CPNE7: variants seen among roughly 807,000 people sequenced by gnomAD.
The protein encoded by CPNE7 is copine-7.
Under a neutral mutation model 66.5 loss-of-function variants are expected in CPNE7, and 78 were observed. The observed-to-expected ratio is 1.17, with a 90% confidence interval of 0.98 to 1.42. The LOEUF is 1.42. Among genes scored for constraint, CPNE7 ranks in the 40% most tolerant of loss-of-function variants. The pLI, the probability that CPNE7 is intolerant of heterozygous loss-of-function variation, is 0.00. For missense variants in CPNE7, 1,012 were observed against 776.6 expected (o/e 1.30, Z -3.60); for synonymous variants, 468 against 336.7 (o/e 1.39, Z -4.27).
At chr16:89,594,833 G>C (rs924980055) in intron 13 of CPNE7, among the ~76,000 whole-genome samples, 1 of 151,768 alleles carries the variant, frequency 6.6e-6, no homozygotes, top group African/African-American at 2.4e-5. Flanking sequence ...TGTATTTTTA[G>C]TAGAGATGGG....
chr16:89,585,424 G>A (rs754465341), intron 5 of CPNE7, 40 bp from the exon 6 acceptor site: 2 of 1,448,784 alleles, frequency 1.4e-6, no homozygotes, highest in South Asian at 1.2e-5. Context: ...GGATCCCAGG[G>A]CCCTGGGCCT....
intron 2 of CPNE7, among the ~76,000 whole-genome samples, chr16:89,579,212 A>T (rs925081797): frequency 6.6e-6 from 1 of 152,002 alleles, no homozygotes; most frequent in African/African-American, 2.4e-5. Context: ...GAATCACTTG[A>T]ACCTGGGAGG....
Position 89,577,614 on chromosome 16 carries a change from G to T in CPNE7, c.250G>T (p.Glu84Ter). Residue 84 changes from glutamate to a stop codon, truncating the protein, a stop_gained, in exon 2 of 15, where the codon GAG (glutamate) becomes TAG (stop). Transcript: ENST00000319518. LOFTEE classifies it high-confidence loss of function. ...GGTCTTCACGGTGGACTACTACTTC[G>T]AGGAGGTGCAGAGGCTGCGCTTTGA... Reference protein sequence around the residue: ...SKVFTVDYYFEEVQRLRFEVY... With the variant: ...SKVFTVDYYF The T allele has an allele frequency of 6.4e-7, 1 of 1,566,812 alleles. No homozygotes were observed. Among genetic ancestry groups the T allele is most frequent in the Non-Finnish European group, 8.7e-7 (1 of 1,155,238 alleles).
rs759360639 is a variant in CPNE7, at chr16:89,577,686, G to C, written c.322G>C (p.Asp108His). ...GPSGFSCQED[D>H]FLGGMECTLG... is the part of the protein sequence containing the mutation. Reference sequence around the variant, plus strand: ...CAGCGGCTTCAGCTGTCAGGAGGACGATTTCCTGGGGGGCATGGAGTGCAC... The same window carrying C: ...CAGCGGCTTCAGCTGTCAGGAGGACCATTTCCTGGGGGGCATGGAGTGCAC... Residue 108 changes from aspartate (D) to histidine (H), a missense_variant, in exon 2 of 15, where the codon GAT becomes CAT. Asp to His is a moderately conservative substitution (Grantham distance 81). Transcript: ENST00000319518. 1 of 1,600,868 alleles carries C rather than the reference G, an allele frequency of 6.2e-7. No homozygotes were observed. The highest frequency in any genetic ancestry group is 1.7e-5 in the Admixed American group (1 of 58,066).
At chr16:89,586,215 G>A (rs1402846287) in intron 7 of CPNE7, among the ~76,000 whole-genome samples, 1 of 152,130 alleles carries the variant, frequency 6.6e-6, no homozygotes, top group African/African-American at 2.4e-5. Context: ...GAAGGCTGAG[G>A]ATGGTGGACC....
chr16:89,585,604 G>A, intron 6 of CPNE7, 51 bp downstream of exon 6: 1 of 1,571,522 alleles, frequency 6.4e-7, no homozygotes, highest in Non-Finnish European at 8.7e-7. Context: ...CCTGGATGTG[G>A]GCTGCGATGG....
rs776221388 is a variant in CPNE7 at position 89,588,720 on chromosome 16, T to C, written c.973T>C (p.Cys325Arg). 1.2e-6 allele frequency: 2 copies of C among 1,613,562 alleles called. No homozygotes were observed. The highest frequency in any genetic ancestry group is 1.3e-5 in the African/African-American group (1 of 75,044). Residue 325 changes from cysteine to arginine, a missense_variant, in exon 10 of 15, where the codon TGC becomes CGC. Coordinates refer to ENST00000319518, the MANE Select transcript of CPNE7 (RefSeq NM_153636.3). Reference protein sequence around the residue: ...TASNGDPRNSCSLHYINPYQP... With the variant: ...TASNGDPRNSRSLHYINPYQP... ...CTCCAATGGAGACCCGCGGAACAGC[T>C]GCTCCCTGCACTACATCAACCCCTA...
At chr16:89,576,203 C>T (rs1305233606) in intron 1 of CPNE7, 132 bp downstream of exon 1, 3 of 702,284 alleles carry the variant, frequency 4.3e-6, no homozygotes, top group African/African-American at 1.9e-5. Flanking sequence ...TGGGGCTCAG[C>T]TCGGGGTCAG....
chr16:89,583,979 G>C, intron 3 of CPNE7, 49 bp from the exon 4 acceptor site: 1 of 1,602,884 alleles, frequency 6.2e-7, no homozygotes. Flanking sequence ...CCCACGGTGG[G>C]GTCAGGCCCC....
At chr16:89,596,383 C>G in intron 14 of CPNE7, 101 bp from the exon 15 acceptor site, 1 of 1,472,616 alleles carries the variant, frequency 6.8e-7, no homozygotes, top group Non-Finnish European at 9.0e-7. Context: ...GTAGTCACCA[C>G]TCGGCTCTGG....
At chr16:89,592,072 A>G (rs1482883162) in intron 13 of CPNE7, among the ~76,000 whole-genome samples, 2 of 144,630 alleles carry the variant, frequency 1.4e-5, no homozygotes, top group Admixed American at 7.0e-5. Flanking sequence ...GTAGTGGCGC[A>G]ATCTCCGCTC....
At chr16:89,586,020 G>T in intron 7 of CPNE7, among the ~76,000 whole-genome samples, 2 of 114,634 alleles carry the variant, frequency 1.7e-5, no homozygotes, top group Non-Finnish European at 3.7e-5. Flanking sequence ...CCAGGGAGGG[G>T]CAGTTAGCAG....
At chr16:89,587,987 CACA>C (rs1170254583) in intron 9 of CPNE7, among the ~76,000 whole-genome samples, 3 of 16,354 alleles carry the variant, frequency 1.8e-4, no homozygotes, top group African/African-American at 5.9e-4. Context: ...CCGTGTCACC[CACA>C]GATACACGGC....
intron 2 of CPNE7, among the ~76,000 whole-genome samples, chr16:89,580,302 G>A (rs1212872693): frequency 5.0e-4 from 53 of 106,462 alleles, no homozygotes; most frequent in African/African-American, 1.9e-3. Flanking sequence ...GGAACATCCC[G>A]TCACCCGCTG....
intron 2 of CPNE7, chr16:89,578,860 G>T: frequency 6.2e-7 from 1 of 1,611,000 alleles, no homozygotes; most frequent in Non-Finnish European, 8.5e-7. Context: ...TCCACAGCCA[G>T]CCCAAAAGTG....
At chr16:89,594,367 G>A (rs1039785275) in intron 13 of CPNE7, among the ~76,000 whole-genome samples, 2 of 152,266 alleles carry the variant, frequency 1.3e-5, no homozygotes, top group East Asian at 3.9e-4. Flanking sequence ...GGCTCAGAGA[G>A]GGGGAGATGG....
At chr16:89,585,206 C>T (rs999038592) in intron 5 of CPNE7, among the ~76,000 whole-genome samples, 2 of 152,210 alleles carry the variant, frequency 1.3e-5, no homozygotes, top group Non-Finnish European at 2.9e-5. Flanking sequence ...AGGAAGAGAG[C>T]AGCGCAGGTG....
chr16:89,581,623 C>T (rs1268338675), intron 2 of CPNE7, among the ~76,000 whole-genome samples: 2 of 152,176 alleles, frequency 1.3e-5, no homozygotes, highest in Non-Finnish European at 2.9e-5. Flanking sequence ...AAGAGGATGG[C>T]ACGGACACAG....
intron 11 of CPNE7, 32 bp from the exon 12 acceptor site, chr16:89,590,975 G>T (rs368037728): frequency 2.5e-6 from 4 of 1,613,110 alleles, no homozygotes. Flanking sequence ...GTTGCAACGA[G>T]CAGCTGACTG....
Sources: gnomAD v4.1 joint callset for allele counts (sites outside exome capture counted in the v4.1 genomes callset) on GRCh38, gnomAD v4.1.1 for gene constraint, MANE v1.5 for transcripts, NCBI Gene and HGNC (gene_info 2026-07-23, HGNC 2026-07-21) for gene names.